SLIT1: variants seen among roughly 807,000 people sequenced by gnomAD.
SLIT1 encodes the protein slit homolog 1 protein.
A neutral mutation model predicts 186.1 loss-of-function variants in SLIT1; 66 were observed. The observed-to-expected ratio is 0.35, with a 90% confidence interval of 0.29 to 0.44. SLIT1 has a LOEUF of 0.44. Ranked by LOEUF, SLIT1 falls within the 20% of genes least tolerant of loss-of-function variation. SLIT1 has a pLI of 1.00. For missense variants in SLIT1, 1,638 were observed against 2,037.4 expected (o/e 0.80, Z 3.77); for synonymous variants, 761 against 833.8 (o/e 0.91, Z 1.50).
At chr10:97,141,675 T>TTG (rs1564686371) in intron 4 of SLIT1, among the ~76,000 whole-genome samples, 3 of 107,100 alleles carry the variant, frequency 2.8e-5, no homozygotes, top group African/African-American at 8.6e-5. Context: ...TTGCATTGTA[T>TTG]CGTATTGTAT....
chr10:97,177,130 T>C (rs1850266635), intron 1 of SLIT1, among the ~76,000 whole-genome samples: 1 of 152,130 alleles, frequency 6.6e-6, no homozygotes, highest in South Asian at 2.1e-4. Context: ...CCACCAAAGT[T>C]TCTGTTCCAC....
intron 1 of SLIT1, among the ~76,000 whole-genome samples, chr10:97,179,950 G>T (rs952098847): frequency 6.6e-6 from 1 of 152,240 alleles, no homozygotes; most frequent in Admixed American, 6.5e-5. Flanking sequence ...GCTAATGCCG[G>T]CACAGAACTG....
At chr10:97,078,375 A>G (rs1849067643) in intron 4 of SLIT1, among the ~76,000 whole-genome samples, 1 of 152,026 alleles carries the variant, frequency 6.6e-6, no homozygotes, top group East Asian at 1.9e-4. Context: ...CTCCACCACC[A>G]CCAGAGTTAA....
chr10:97,010,895 A>T lies in SLIT1; in HGVS notation c.3341+98T>A. 8.4e-7 allele frequency: 1 copy of T among 1,190,404 alleles called. No individual in the cohort carries two copies. The allele number at this position is 1,190,404 out of a possible 1,614,324, so 73.7% of individuals were successfully genotyped here. A position where few individuals can be genotyped will look rare whatever the true frequency, so the allele number is the denominator to read the frequency against. On this transcript the variant is annotated intron_variant, in intron 31 of 36. Transcript: ENST00000266058. The surrounding 1 kb of genome is among the most constrained non-coding windows in gnomAD (Gnocchi z 4.8). ...CCCAGCATCCAACTTCCAGGCTCTGACCCACACCCCTTTCCTTCGCCATGG... is the reference window on the plus strand; with the variant it reads ...CCCAGCATCCAACTTCCAGGCTCTGTCCCACACCCCTTTCCTTCGCCATGG...
At chr10:97,054,823 T>C (rs1217944250) in intron 13 of SLIT1, among the ~76,000 whole-genome samples, 3 of 152,206 alleles carry the variant, frequency 2.0e-5, no homozygotes, top group Admixed American at 2.0e-4. Context: ...AGAGGACACA[T>C]AGATAAACAG....
At chr10:97,089,517 A>C (rs1394485568) in intron 4 of SLIT1, among the ~76,000 whole-genome samples, 1 of 152,164 alleles carries the variant, frequency 6.6e-6, no homozygotes, top group Non-Finnish European at 1.5e-5. Flanking sequence ...TCAGACTCTG[A>C]AGATGAGTGT....
rs777853626 is a variant in SLIT1, at chr10:97,002,207, C to T, written c.4317G>A (p.Gly1439=). 3.2e-6 allele frequency: 5 copies of T among 1,576,474 alleles called. No homozygotes were observed. In the South Asian group the frequency reaches 3.4e-5, roughly 11 times the overall value. Residue 1439 remains glycine (G), a synonymous_variant, in exon 36 of 37, where the codon GGG becomes GGA. Coordinates refer to ENST00000266058, the MANE Select transcript of SLIT1 (RefSeq NM_003061.3). ...AGCCGGGGTCACACACACAGTGTGCCCCCTTGGTGCCTGAGGCCTGGCAGT... is the reference window on the plus strand; with the variant it reads ...AGCCGGGGTCACACACACAGTGTGCTCCCTTGGTGCCTGAGGCCTGGCAGT... ...HGHCQASGTK[G]AHCVCDPGFS...
At chr10:97,015,195 C>T (rs907152548) in intron 28 of SLIT1, among the ~76,000 whole-genome samples, 1 of 152,214 alleles carries the variant, frequency 6.6e-6, no homozygotes, top group African/African-American at 2.4e-5. Flanking sequence ...AGCCCCAGCC[C>T]TTACAGACTG....
intron 4 of SLIT1, among the ~76,000 whole-genome samples, chr10:97,126,771 A>T (rs1849606934): frequency 6.6e-6 from 1 of 152,182 alleles, no homozygotes; most frequent in South Asian, 2.1e-4. Flanking sequence ...ACAGGCTGTT[A>T]GATCTGGAAG....
intron 4 of SLIT1, among the ~76,000 whole-genome samples, chr10:97,081,456 TG>T (rs1225726438): frequency 6.6e-6 from 1 of 152,084 alleles, no homozygotes; most frequent in Non-Finnish European, 1.5e-5. Context: ...TCAGGGGAAA[TG>T]GGGTCCACTT....
Position 97,022,896 on chromosome 10 carries a change from G to A in SLIT1, c.2583-1483C>T, listed in dbSNP as rs1371250906. Among the ~76,000 whole-genome samples, 1 of 152,138 alleles carries A rather than the reference G, an allele frequency of 6.6e-6. No homozygotes were observed. Among genetic ancestry groups the A allele is most frequent in the Admixed American group, 6.5e-5 (1 of 15,278 alleles). ...CTTGCTCCTTGTCACTAAACAGCACGTCTTGGGAATCTTCCTGGTCAGCAT... is the reference window on the plus strand; with the variant it reads ...CTTGCTCCTTGTCACTAAACAGCACATCTTGGGAATCTTCCTGGTCAGCAT... On this transcript the variant is annotated intron_variant, in intron 25 of 36. Transcript: ENST00000266058. The surrounding 1 kb of genome is among the most constrained non-coding windows in gnomAD (Gnocchi z 4.2).
intron 23 of SLIT1, among the ~76,000 whole-genome samples, chr10:97,033,050 CTTT>C (rs71007311): frequency 1.1e-4 from 15 of 139,734 alleles, no homozygotes; most frequent in Admixed American, 1.4e-4. Flanking sequence ...TTCTTTCTTT[CTTT>C]TTTTTTTTTT....
At chr10:97,108,713 C>T (rs1301557549) in intron 4 of SLIT1, among the ~76,000 whole-genome samples, 1 of 152,022 alleles carries the variant, frequency 6.6e-6, no homozygotes, top group African/African-American at 2.4e-5. Flanking sequence ...CATGATGAAA[C>T]CCTGTCTTTA....
Position 97,141,710 on chromosome 10 carries a change from TTGTA to T in SLIT1, c.413+16104_413+16107del, listed in dbSNP as rs879693375. Among the ~76,000 whole-genome samples the T allele has an allele frequency of 4.5e-3, 445 of 99,388 alleles. 3 individuals carry two copies. The highest frequency in any genetic ancestry group is 0.024 in the African/African-American group (424 of 17,972). The allele number at this position is 99,388 out of a possible 152,430, so 65.2% of individuals were successfully genotyped here. A position where few individuals can be genotyped will look rare whatever the true frequency, so the allele number is the denominator to read the frequency against. Reference sequence around the variant, plus strand: ...TCGTATCGTATCGTATCGTATTGTATTGTACTGTATTGTATTGTACTGTATTGTA... The same window carrying T: ...TCGTATCGTATCGTATCGTATTGTATCTGTATTGTATTGTACTGTATTGTA... On this transcript the variant is annotated intron_variant, in intron 4 of 36. Coordinates refer to ENST00000266058, the MANE Select transcript of SLIT1 (RefSeq NM_003061.3).
At position 97,043,627 on chromosome 10, in the gene SLIT1, G is replaced by C; in HGVS notation, c.1854-114C>G. The C allele has an allele frequency of 9.8e-7, 1 of 1,022,198 alleles. No individual in the cohort carries two copies. Among genetic ancestry groups the C allele is most frequent in the South Asian group, 1.5e-5 (1 of 65,324 alleles). 63.3% of individuals were successfully genotyped at this position (1,022,198 alleles called of 1,614,324 possible). On this transcript the variant is annotated intron_variant, in intron 18 of 36. Coordinates refer to ENST00000266058, the MANE Select transcript of SLIT1 (RefSeq NM_003061.3). The surrounding 1 kb of genome is among the most constrained non-coding windows in gnomAD (Gnocchi z 7.0). ...TTCACAGTTCTCCTCCATAGGCTGC[G>C]AGCCGCAGAGCCAGGAACACGCACC...
rs1848280146 is a variant in SLIT1, at chr10:96,999,456, A to G, written c.*1656T>C. On this transcript the variant is annotated 3_prime_UTR_variant, in exon 37 of 37. Transcript: ENST00000266058. ...GGGCAGGGGACAGGGACACAATGCC[A>G]CTCTGAGCCTCACCTGAACATACAC... 6.6e-6 allele frequency: 1 copy of G among 152,188 alleles called. No homozygotes were observed. The highest frequency in any genetic ancestry group is 2.4e-5 in the African/African-American group (1 of 41,340). 9.4% of individuals were successfully genotyped at this position (152,188 alleles called of 1,614,324 possible). A position where few individuals can be genotyped will look rare whatever the true frequency, so the allele number is the denominator to read the frequency against.
chr10:97,030,705 C>A, intron 25 of SLIT1, 52 bp downstream of exon 25: 2 of 1,450,446 alleles, frequency 1.4e-6, no homozygotes, highest in Non-Finnish European at 1.9e-6. Context: ...TCTCAGAAAC[C>A]AAGTCCTGTT....
chr10:97,155,231 A>G (rs1371068558), intron 4 of SLIT1: 1 of 152,286 alleles, frequency 6.6e-6, no homozygotes, highest in Non-Finnish European at 1.5e-5. Flanking sequence ...AACCACCCAA[A>G]GTTATGCCTT....
intron 13 of SLIT1, among the ~76,000 whole-genome samples, chr10:97,049,645 G>T (rs1410492287): frequency 1.3e-5 from 2 of 152,190 alleles, no homozygotes; most frequent in African/African-American, 4.8e-5. Context: ...TATAGAGAGG[G>T]ATGAGGCCAG....
Sources: gnomAD v4.1 joint callset for allele counts (sites outside exome capture counted in the v4.1 genomes callset) on GRCh38, gnomAD v4.1.1 for gene constraint, Gnocchi (gnomAD v3.1) non-coding constraint, MANE v1.5 for transcripts, NCBI Gene and HGNC (gene_info 2026-07-23, HGNC 2026-07-21) for gene names.